Variants in NDRG2 observed in about 807,000 individuals in gnomAD.
NDRG2 encodes NDRG family member 2, also known as protein NDRG2.
In NDRG2, 34 loss-of-function variants were observed where a neutral mutation model predicts 58.2. That is an observed-to-expected ratio of 0.58 (90% confidence interval 0.44 to 0.78). NDRG2 has a LOEUF of 0.78. Ranked by LOEUF, NDRG2 falls within the 30% of genes least tolerant of loss-of-function variation. NDRG2 has a pLI of 0.00. For missense variants in NDRG2, 434 were observed against 471.2 expected, an observed-to-expected ratio of 0.92 and a Z score of 0.73; for synonymous variants, 187 against 175.9, an observed-to-expected ratio of 1.06 and a Z score of -0.50.
intron 1 of NDRG2, among the ~76,000 whole-genome samples, chr14:21,040,177 AAAG>A (rs1341530678): frequency 1.3e-5 from 2 of 152,212 alleles, no homozygotes; most frequent in African/African-American, 4.8e-5. Context: ...ATACCTTAAC[AAAG>A]AAGTGAACAG....
chr14:21,040,528 T>TA (rs1179456167), intron 1 of NDRG2, among the ~76,000 whole-genome samples: 2 of 152,180 alleles, frequency 1.3e-5, no homozygotes, highest in African/African-American at 4.8e-5. Flanking sequence ...GACACGTTCT[T>TA]TATTCATCTA....
chr14:21,064,836 A>G (rs1346925449), intron 1 of NDRG2, among the ~76,000 whole-genome samples: 1 of 152,188 alleles, frequency 6.6e-6, no homozygotes, highest in African/African-American at 2.4e-5. Context: ...TACTACAATA[A>G]GCCTACATCT....
In NDRG2 at chr14:21,070,233, C is replaced by T. The variant is rs1300528101; in HGVS notation, c.24+595G>A. 1 of 663,340 alleles carries T rather than the reference C, an allele frequency of 1.5e-6. No homozygotes were observed. Among genetic ancestry groups the T allele is most frequent in the African/African-American group, 1.9e-5 (1 of 52,272 alleles). 41.1% of individuals were successfully genotyped at this position (663,340 alleles called of 1,614,324 possible). ...GGAGGGGCGGCCGTCTCGGCCCTCC[C>T]TGGCGGGGCCCCGCGGCCTGGAAGC... On this transcript the variant is annotated intron_variant, in intron 1 of 14. Coordinates refer to the NDRG2 transcript ENST00000403829. The surrounding 1 kb of genome is among the most constrained non-coding windows in gnomAD (Gnocchi z 4.7).
In NDRG2 at chr14:21,068,160, C is replaced by T. The variant is rs569307841; in HGVS notation, c.24+2668G>A. ...GACTACAGGCGCCCGCTACCACGCC[C>T]GGCTAATTTTTTGTATTTTTAGTAG... On this transcript the variant is annotated intron_variant, in intron 1 of 14. Coordinates refer to the NDRG2 transcript ENST00000403829. 6.7e-3 allele frequency among the ~76,000 whole-genome samples: 332 copies of T among 49,280 alleles called. 99 individuals carry two copies. The highest frequency in any genetic ancestry group is 0.014 in the African/African-American group (320 of 22,744). 32.3% of individuals were successfully genotyped at this position (49,280 alleles called of 152,430 possible). A position where few individuals can be genotyped will look rare whatever the true frequency, so the allele number is the denominator to read the frequency against.
At position 21,018,120 on chromosome 14, in the gene NDRG2, G is replaced by A. The variant is rs370217539; in HGVS notation, c.898-82C>T. ...GAGCCTGAGGCTGCGGCACTGTGGG[G>A]CCGGGTGTGTGGCAAAGGGCAGAGC... is the stretch of plus-strand genomic sequence containing the variant. On this transcript the variant is annotated intron_variant, in intron 14 of 15. Transcript: ENST00000556147. 196 of 1,600,374 alleles carry A rather than the reference G, an allele frequency of 1.2e-4. No homozygotes were observed. The African/African-American group carries it at 2.3e-3, about 19-fold the overall frequency.
chr14:21,039,968 G>A (rs1884816134), intron 1 of NDRG2, among the ~76,000 whole-genome samples: 1 of 152,196 alleles, frequency 6.6e-6, no homozygotes, highest in East Asian at 1.9e-4. Flanking sequence ...AGGAGACCAA[G>A]CTAGGCATTC....
intron 1 of NDRG2, among the ~76,000 whole-genome samples, chr14:21,068,376 T>A (rs1416257269): frequency 2.0e-5 from 3 of 151,598 alleles, no homozygotes; most frequent in African/African-American, 7.3e-5. Flanking sequence ...CATAGCCAGA[T>A]TAATTTATAT....
intron 1 of NDRG2, chr14:21,034,170 G>T: frequency 6.2e-7 from 1 of 1,614,000 alleles, no homozygotes; most frequent in Non-Finnish European, 8.5e-7. Context: ...GTTAACCCTG[G>T]GATAGTCAAT....
chr14:21,018,599 A>G, intron 12 of NDRG2, 95 bp from the exon 13 acceptor site: 2 of 1,558,964 alleles, frequency 1.3e-6, no homozygotes, highest in South Asian at 2.4e-5. Context: ...TCCCTTTTCT[A>G]TCAGCTCCCT....
At chr14:21,028,876 A>C (rs1883875357), upstream of NDRG2, 2 of 152,244 alleles carry the variant, frequency 1.3e-5, no homozygotes, top group Admixed American at 1.3e-4. Context: ...GAAAAAAAAT[A>C]GAAAGTGGTG....
chr14:21,050,429 C>T (rs1468398541), intron 1 of NDRG2, among the ~76,000 whole-genome samples: 4 of 152,164 alleles, frequency 2.6e-5, no homozygotes, highest in Non-Finnish European at 5.9e-5. Flanking sequence ...TCCGGGTGGG[C>T]CTGAGATATC....
chr14:21,047,633 T>C (rs1487331972), intron 1 of NDRG2, among the ~76,000 whole-genome samples: 1 of 152,176 alleles, frequency 6.6e-6, no homozygotes, highest in Non-Finnish European at 1.5e-5. Flanking sequence ...ATATTTATGT[T>C]TCTAGGGCTG....
chr14:21,053,339 G>A (rs773154069), intron 1 of NDRG2, among the ~76,000 whole-genome samples: 2 of 152,020 alleles, frequency 1.3e-5, no homozygotes, highest in African/African-American at 2.4e-5. Flanking sequence ...AAAATTAGCC[G>A]CACTTTGGCC....
Position 21,037,123 on chromosome 14 carries a change from C to CG in NDRG2, c.25-13803_25-13802insC, listed in dbSNP as rs200476700. On this transcript the variant is annotated intron_variant, in intron 1 of 14. Transcript: ENST00000403829. ...CCACCCATCACCGCTCTTCGCTCCCCCCACCCAACACCACTCACTTCTGCC... is the reference window on the plus strand; with the variant it reads ...CCACCCATCACCGCTCTTCGCTCCCCGCCACCCAACACCACTCACTTCTGCC... Among the ~76,000 whole-genome samples, 84 of 152,274 alleles carry CG rather than the reference C, an allele frequency of 5.5e-4. 1 individual carries two copies. The highest frequency in any genetic ancestry group is 2.1e-3 in the Admixed American group (32 of 15,288).
upstream of NDRG2, among the ~76,000 whole-genome samples, chr14:21,026,841 T>G (rs1489570220): frequency 2.0e-5 from 3 of 151,976 alleles, no homozygotes; most frequent in African/African-American, 7.3e-5. Flanking sequence ...TTTAACACTC[T>G]CCTGGACAAG....
chr14:21,022,873 G>C lies in NDRG2; in HGVS notation c.108C>G (p.Asp36Glu). Reference sequence around the variant, plus strand: ...GCCCCCACACTGTTACCTGTCCCTGGTCCAGGAGGATTCGGGCAGCTAACT... The same window carrying C: ...GCCCCCACACTGTTACCTGTCCCTGCTCCAGGAGGATTCGGGCAGCTAACT... Reference protein sequence around the residue: ...EAELAARILLDQGQTHSVETP... With the variant: ...EAELAARILLEQGQTHSVETP... Residue 36 changes from aspartate to glutamate, a missense_variant, in exon 3 of 16, where the codon GAC (aspartate) becomes GAG (glutamate). Coordinates refer to ENST00000556147, the MANE Select transcript of NDRG2 (RefSeq NM_001320329.2). 1 of 1,613,798 alleles carries C rather than the reference G, an allele frequency of 6.2e-7. No individual in the cohort carries two copies. Among genetic ancestry groups the C allele is most frequent in the Non-Finnish European group, 8.5e-7 (1 of 1,179,868 alleles).
rs192487205 is a variant in NDRG2, at chr14:21,030,958, G to T, written c.25-7637C>A. 33 of 1,562,380 alleles carry T rather than the reference G, an allele frequency of 2.1e-5. 1 individual carries two copies. The Admixed American group carries it at 3.7e-4, about 18-fold the overall frequency. On this transcript the variant is annotated intron_variant, in intron 1 of 14. Coordinates refer to the NDRG2 transcript ENST00000403829. Reference sequence around the variant, plus strand: ...CTGAGTGAGGCAAGAGTTGGACCTTGGAAGGTAATGCATTCATGCTCCAAA... The same window carrying T: ...CTGAGTGAGGCAAGAGTTGGACCTTTGAAGGTAATGCATTCATGCTCCAAA...
chr14:21,047,008 G>C (rs1435583666), intron 1 of NDRG2: 1 of 152,268 alleles, frequency 6.6e-6, no homozygotes, highest in Non-Finnish European at 1.5e-5. Context: ...TTGAATGTAA[G>C]TGGACTTGCA....
intron 1 of NDRG2, chr14:21,034,102 T>C (rs1467805144): frequency 1.8e-5 from 29 of 1,614,062 alleles, no homozygotes; most frequent in Non-Finnish European, 2.4e-5. Flanking sequence ...GAATTTTGCA[T>C]CTTGCCTCGC....
Sources: gnomAD v4.1 joint callset for allele counts (sites outside exome capture counted in the v4.1 genomes callset) on GRCh38, gnomAD v4.1.1 for gene constraint, Gnocchi (gnomAD v3.1) non-coding constraint, MANE v1.5 for transcripts, NCBI Gene and HGNC (gene_info 2026-07-23, HGNC 2026-07-21) for gene names.